ALDH1A1: variants seen among roughly 807,000 people sequenced by gnomAD.
ALDH1A1 encodes the protein aldehyde dehydrogenase 1A1.
A neutral mutation model predicts 62.1 loss-of-function variants in ALDH1A1; 19 were observed. That is an observed-to-expected ratio of 0.31 (90% CI 0.21 to 0.45). ALDH1A1 has a LOEUF of 0.45. Ranked by LOEUF, ALDH1A1 falls within the 20% of genes least tolerant of loss-of-function variation. The pLI is 1.00. For missense variants in ALDH1A1, 521 were observed against 607.1 expected, an observed-to-expected ratio of 0.86 and a Z score of 1.49; for synonymous variants, 231 against 215.9, an observed-to-expected ratio of 1.07 and a Z score of -0.61.
At chr9:72,921,140 G>A (rs183587741) in intron 7 of ALDH1A1, among the ~76,000 whole-genome samples, 20 of 151,814 alleles carry the variant, frequency 1.3e-4, no homozygotes, top group African/African-American at 2.4e-5. Flanking sequence ...CCAGCTACTC[G>A]GGAGGCTGAG....
At chr9:72,926,311 G>A (rs34878833) in intron 5 of ALDH1A1, among the ~76,000 whole-genome samples, 2,958 of 152,174 alleles carry the variant, frequency 0.019, 53 homozygotes, top group Non-Finnish European at 0.027. Flanking sequence ...AGTTTTTATC[G>A]ATTTATTGGG....
chr9:72,912,973 G>A (rs368314552), intron 9 of ALDH1A1, among the ~76,000 whole-genome samples: 5 of 152,214 alleles, frequency 3.3e-5, no homozygotes, highest in South Asian at 2.1e-4. Flanking sequence ...CCAAGTAACC[G>A]GTGAGGGCTG....
chr9:72,943,926 TG>T, intron 1 of ALDH1A1, among the ~76,000 whole-genome samples: 1 of 151,718 alleles, frequency 6.6e-6, no homozygotes, highest in East Asian at 1.9e-4. Context: ...CTTTGAAGGA[TG>T]GAACTGGATT....
At chr9:72,931,967 C>T (rs962101658) in intron 2 of ALDH1A1, among the ~76,000 whole-genome samples, 1 of 152,204 alleles carries the variant, frequency 6.6e-6, no homozygotes, top group African/African-American at 2.4e-5. Context: ...TGTTTTTCTA[C>T]ACCAGATATA....
At chr9:72,928,773 G>T in intron 4 of ALDH1A1, 119 bp downstream of exon 4, 1 of 1,149,704 alleles carries the variant, frequency 8.7e-7, no homozygotes, top group South Asian at 2.7e-5. Context: ...AAGTCAAGAG[G>T]AAAATAATTT....
chr9:72,908,508 AAAG>A (rs2118485201), intron 11 of ALDH1A1, among the ~76,000 whole-genome samples: 1 of 10,476 alleles, frequency 9.5e-5, no homozygotes, highest in Admixed American at 1.8e-3. Flanking sequence ...GAGAGAGACG[AAAG>A]AAAGAAAGAA....
At position 72,918,613 on chromosome 9, in the gene ALDH1A1, C is replaced by CTTTTTTTT. The variant is rs3079046; in HGVS notation, c.850+99_850+106dup. The CTTTTTTTT allele has an allele frequency of 1.8e-5, 5 of 279,436 alleles. 1 individual carries two copies. Among genetic ancestry groups the CTTTTTTTT allele is most frequent in the African/African-American group, 3.8e-5 (1 of 26,330 alleles). 17.3% of individuals were successfully genotyped at this position (279,436 alleles called of 1,614,324 possible). On this transcript the variant is annotated intron_variant, in intron 8 of 12. Transcript: ENST00000297785. The stretch of plus-strand genomic sequence containing the variant: ...TACACTTTGATGTTAGAAGCAAATG[C>CTTTTTTTT]TTTTTTTTTTTTTTTTTTTTTTTTG...
In ALDH1A1 at chr9:72,926,482, G is replaced by C. The variant is rs569283697; in HGVS notation, c.504+634C>G. On this transcript the variant is annotated intron_variant, in intron 5 of 12. Transcript: ENST00000297785. ...ATGTCAGTTAAAATAAAATCATTTA[G>C]ATAGTGTCCTGTTTGTTGGGCTTAA... Among the ~76,000 whole-genome samples, 75 of 152,218 alleles carry C rather than the reference G, an allele frequency of 4.9e-4. No homozygotes were observed. The South Asian group carries it at 0.015, about 31-fold the overall frequency.
chr9:72,937,749 G>A (rs1449248218), intron 2 of ALDH1A1, among the ~76,000 whole-genome samples: 1 of 152,020 alleles, frequency 6.6e-6, no homozygotes, highest in African/African-American at 2.4e-5. Flanking sequence ...CATAAACAAA[G>A]GTTGAGTAAT....
intron 7 of ALDH1A1, among the ~76,000 whole-genome samples, chr9:72,920,390 T>G (rs1402874733): frequency 6.6e-6 from 1 of 152,186 alleles, no homozygotes; most frequent in Admixed American, 6.5e-5. Flanking sequence ...GAAACTGAAT[T>G]TTCATTTAAG....
chr9:72,918,691 G>A lies in ALDH1A1; in HGVS notation c.850+29C>T, dbSNP rs762825014. The A allele has an allele frequency of 3.3e-6, 4 of 1,211,228 alleles. No individual in the cohort carries two copies. In the South Asian group the frequency reaches 6.8e-5, roughly 20 times the overall value. 75.0% of individuals were successfully genotyped at this position (1,211,228 alleles called of 1,614,324 possible). ...TCAGACACCAAAAACGATGAAGGAC[G>A]AAAAGTTAACAAAGTGGTTTCTACT... On this transcript the variant is annotated intron_variant, in intron 8 of 12. Transcript: ENST00000297785.
chr9:72,934,704 C>T (rs1299876866), intron 2 of ALDH1A1, among the ~76,000 whole-genome samples: 1 of 152,120 alleles, frequency 6.6e-6, no homozygotes. Context: ...TTGATGATGG[C>T]TACTAGCTAA....
chr9:72,912,667 G>A (rs770529590), intron 9 of ALDH1A1, among the ~76,000 whole-genome samples: 4 of 152,030 alleles, frequency 2.6e-5, no homozygotes, highest in East Asian at 1.9e-4. Flanking sequence ...CATAGTCTGC[G>A]CACCCTTCCC....
intron 7 of ALDH1A1, chr9:72,923,749 C>A (rs998916258): frequency 5.1e-5 from 12 of 237,396 alleles, no homozygotes; most frequent in Non-Finnish European, 2.4e-5. Context: ...AATAATATGA[C>A]AAGGTCTCAG....
intron 5 of ALDH1A1, among the ~76,000 whole-genome samples, chr9:72,926,152 A>T (rs903776559): frequency 6.6e-6 from 1 of 152,190 alleles, no homozygotes; most frequent in African/African-American, 2.4e-5. Flanking sequence ...ATCTGATTTC[A>T]TAATCTGTGA....
At chr9:72,932,664 C>T (rs1198585066) in intron 2 of ALDH1A1, among the ~76,000 whole-genome samples, 4 of 152,090 alleles carry the variant, frequency 2.6e-5, no homozygotes, top group African/African-American at 7.2e-5. Flanking sequence ...TGCATATTTG[C>T]GGCATTCAGT....
Position 72,924,732 on chromosome 9 carries a change from G to A in ALDH1A1, c.634-600C>T, listed in dbSNP as rs138861193. ...ATTACAATTTCATGTTATTTGCATC[G>A]AAATGTTTCATTTTGACATCTCTTT... On this transcript the variant is annotated intron_variant, in intron 6 of 12. Coordinates refer to ENST00000297785, the MANE Select transcript of ALDH1A1 (RefSeq NM_000689.5). 6.2e-4 allele frequency among the ~76,000 whole-genome samples: 95 copies of A among 152,238 alleles called. No individual in the cohort carries two copies. In the East Asian group the frequency reaches 0.013, roughly 21 times the overall value.
At chr9:72,941,123 A>T (rs907593678) in intron 1 of ALDH1A1, among the ~76,000 whole-genome samples, 2 of 152,190 alleles carry the variant, frequency 1.3e-5, no homozygotes, top group African/African-American at 4.8e-5. Flanking sequence ...GACAAGATGG[A>T]CTAGTTTATT....
At chr9:72,942,604 G>A (rs940174785) in intron 1 of ALDH1A1, among the ~76,000 whole-genome samples, 16 of 152,156 alleles carry the variant, frequency 1.1e-4, no homozygotes, top group Admixed American at 5.2e-4. Context: ...TCTATTGTCA[G>A]ACTGCTTAAC....
Sources: allele counts gnomAD v4.1 joint callset (sites outside exome capture counted in the v4.1 genomes callset), GRCh38; gene constraint gnomAD v4.1.1; transcripts MANE v1.5; gene names NCBI Gene and HGNC (gene_info 2026-07-23, HGNC 2026-07-21).